The following CSNK2A2IP variants were observed in gnomAD, a reference collection of about 807,000 sequenced individuals.
CSNK2A2IP encodes the protein casein kinase II subunit alpha'-interacting protein.
At chr3:88,362,975 G>C in the CSNK2A2IP span, among the ~76,000 whole-genome samples, 48 of 152,080 alleles carry the variant, frequency 3.2e-4, no homozygotes, top group Non-Finnish European at 5.6e-4. Flanking sequence ...GCCCAAGGCT[G>C]GTCTAAATGC....
chr3:88,386,227 C>T, the CSNK2A2IP span, among the ~76,000 whole-genome samples: 3 of 151,958 alleles, frequency 2.0e-5, no homozygotes, highest in East Asian at 1.9e-4. Flanking sequence ...CAGGTTCAAG[C>T]GATTCTCCCG....
the CSNK2A2IP span, among the ~76,000 whole-genome samples, chr3:88,339,775 C>T: frequency 1.3e-5 from 2 of 152,108 alleles, no homozygotes; most frequent in East Asian, 3.9e-4. Flanking sequence ...CATTGGCAAA[C>T]CATATAATTT....
the CSNK2A2IP span, among the ~76,000 whole-genome samples, chr3:88,367,643 C>T: frequency 6.6e-6 from 1 of 152,014 alleles, no homozygotes; most frequent in East Asian, 1.9e-4. Context: ...AAACAGATCC[C>T]TAAGTCTGAA....
At chr3:88,445,499 T>G in the CSNK2A2IP span, among the ~76,000 whole-genome samples, 1 of 152,056 alleles carries the variant, frequency 6.6e-6, no homozygotes, top group Non-Finnish European at 1.5e-5. Flanking sequence ...GTTAGAACTA[T>G]TATGTCAAGG....
At chr3:88,339,852 T>C in the CSNK2A2IP span, among the ~76,000 whole-genome samples, 3 of 152,092 alleles carry the variant, frequency 2.0e-5, no homozygotes, top group South Asian at 6.2e-4. Context: ...TGTCCTTAAG[T>C]GGAGAGACAC....
At chr3:88,377,496 C>CTT in the CSNK2A2IP span, among the ~76,000 whole-genome samples, 2 of 149,132 alleles carry the variant, frequency 1.3e-5, no homozygotes, top group African/African-American at 4.9e-5. Flanking sequence ...ATTACAATTG[C>CTT]TTTTTTTTTT....
the CSNK2A2IP span, among the ~76,000 whole-genome samples, chr3:88,446,054 CT>C: frequency 1.1e-5 from 1 of 93,984 alleles, no homozygotes; most frequent in Non-Finnish European, 2.3e-5. Flanking sequence ...TTCTTTCTTT[CT>C]TTCTTTCTTT....
the CSNK2A2IP span, among the ~76,000 whole-genome samples, chr3:88,359,543 C>A: frequency 6.6e-6 from 1 of 151,988 alleles, no homozygotes; most frequent in Non-Finnish European, 1.5e-5. Flanking sequence ...TGGCTGTACT[C>A]ACTAGCTTGG....
At chr3:88,351,613 T>A in the CSNK2A2IP span, among the ~76,000 whole-genome samples, 4 of 152,056 alleles carry the variant, frequency 2.6e-5, no homozygotes, top group Non-Finnish European at 5.9e-5. Context: ...TACTGTCTAA[T>A]AAAAAATTTC....
chr3:88,376,376 G>A, the CSNK2A2IP span, among the ~76,000 whole-genome samples: 1 of 151,570 alleles, frequency 6.6e-6, no homozygotes, highest in Non-Finnish European at 1.5e-5. Flanking sequence ...TTTGAGTGAG[G>A]TGAATGAATA....
chr3:88,440,208 T>G, the CSNK2A2IP span, among the ~76,000 whole-genome samples: 2 of 152,242 alleles, frequency 1.3e-5, no homozygotes, highest in African/African-American at 2.4e-5. Context: ...ATTTTGCATT[T>G]TTTAGTTTAG....
chr3:88,392,822 G>T, the CSNK2A2IP span, among the ~76,000 whole-genome samples: 1 of 152,148 alleles, frequency 6.6e-6, no homozygotes, highest in African/African-American at 2.4e-5. Flanking sequence ...ATTGGGTTGA[G>T]GACAGATGCT....
the CSNK2A2IP span, among the ~76,000 whole-genome samples, chr3:88,447,197 G>T: frequency 6.6e-6 from 1 of 152,052 alleles, no homozygotes; most frequent in Non-Finnish European, 1.5e-5. Context: ...AATGACCAAG[G>T]AGTTAAGAGC....
the CSNK2A2IP span, among the ~76,000 whole-genome samples, chr3:88,433,252 A>G: frequency 7.7e-5 from 11 of 142,314 alleles, no homozygotes; most frequent in Non-Finnish European, 1.1e-4. Flanking sequence ...TTTAATTGCT[A>G]TTTATGCCTT....
At chr3:88,394,341 G>T in the CSNK2A2IP span, among the ~76,000 whole-genome samples, 2 of 152,116 alleles carry the variant, frequency 1.3e-5, no homozygotes, top group Non-Finnish European at 1.5e-5. Context: ...ATGGATGGGG[G>T]TGTCTCAGTT....
chr3:88,430,611 G>A, the CSNK2A2IP span, among the ~76,000 whole-genome samples: 1 of 152,088 alleles, frequency 6.6e-6, no homozygotes, highest in Non-Finnish European at 1.5e-5. Context: ...CTGGAGACCA[G>A]TTATAGAGTA....
the CSNK2A2IP span, among the ~76,000 whole-genome samples, chr3:88,380,631 G>A: frequency 1.6e-4 from 24 of 151,984 alleles, no homozygotes; most frequent in African/African-American, 5.5e-4. Context: ...TAGACATTAA[G>A]GCTATAGAAT....
At chr3:88,399,094 A>G in the CSNK2A2IP span, among the ~76,000 whole-genome samples, 9 of 152,188 alleles carry the variant, frequency 5.9e-5, no homozygotes, top group Admixed American at 5.2e-4. Flanking sequence ...TTAATAGGAC[A>G]TGAACATTGA....
chr3:88,338,672 G>T, the CSNK2A2IP span: 12 of 152,124 alleles, frequency 7.9e-5, no homozygotes, highest in African/African-American at 2.7e-4. Context: ...GGCTGCTTCT[G>T]TACAAGAGTG....
Sources: gnomAD v4.1 joint callset for allele counts (sites outside exome capture counted in the v4.1 genomes callset) on GRCh38, gnomAD v4.1.1 for gene constraint, MANE v1.5 for transcripts, NCBI Gene and HGNC (gene_info 2026-07-23, HGNC 2026-07-21) for gene names.